Variants in DAAM1 observed in about 807,000 individuals in gnomAD.
DAAM1 encodes the protein dishevelled associated activator of morphogenesis 1.
In DAAM1, 52 loss-of-function variants were observed where a neutral mutation model predicts 130.0. That is an observed-to-expected ratio of 0.40 (90% CI 0.32 to 0.50). The LOEUF (loss-of-function observed/expected upper bound fraction) is 0.50. Among genes scored for constraint, DAAM1 ranks in the 20% least tolerant of loss-of-function variants. The pLI is 0.61. For synonymous variants in DAAM1, 452 were observed against 444.5 expected (o/e 1.02, Z -0.21); for missense variants, 1,134 against 1,303.8 (o/e 0.87, Z 2.01).
chr14:59,352,719 C>A, intron 18 of DAAM1, 87 bp downstream of exon 18: 1 of 1,164,060 alleles, frequency 8.6e-7, no homozygotes, highest in Non-Finnish European at 1.2e-6. Flanking sequence ...TTGTTTGGGC[C>A]AATTAACCTG....
chr14:59,240,271 A>G (rs549288089), intron 1 of DAAM1, among the ~76,000 whole-genome samples: 5 of 152,264 alleles, frequency 3.3e-5, no homozygotes, highest in Non-Finnish European at 5.9e-5. Context: ...TTGTAAAACT[A>G]TGATATCTTC....
intron 1 of DAAM1, among the ~76,000 whole-genome samples, chr14:59,241,396 G>A (rs1341700116): frequency 6.6e-6 from 1 of 152,188 alleles, no homozygotes; most frequent in Non-Finnish European, 1.5e-5. Context: ...TCCGAATTAA[G>A]TAGAGTGAAA....
intron 3 of DAAM1, among the ~76,000 whole-genome samples, chr14:59,293,955 G>A (rs149306054): frequency 2.4e-4 from 36 of 152,188 alleles, no homozygotes; most frequent in Non-Finnish European, 4.1e-4. Flanking sequence ...AACATCTCTC[G>A]CCTAGCCTTT....
intron 6 of DAAM1, among the ~76,000 whole-genome samples, 172 bp from the exon 7 acceptor site, chr14:59,323,956 C>T (rs947726538): frequency 2.6e-5 from 4 of 151,624 alleles, no homozygotes; most frequent in Non-Finnish European, 4.4e-5. Flanking sequence ...GGCGTGAACC[C>T]GGGAGGTGGA....
At chr14:59,258,844 C>T (rs1329519372) in intron 1 of DAAM1, among the ~76,000 whole-genome samples, 1 of 152,188 alleles carries the variant, frequency 6.6e-6, no homozygotes, top group Admixed American at 6.5e-5. Context: ...TTGGGTTTCA[C>T]TGAGGCTTCC....
intron 1 of DAAM1, among the ~76,000 whole-genome samples, chr14:59,191,393 C>T (rs1238188595): frequency 6.6e-6 from 1 of 151,920 alleles, no homozygotes; most frequent in Non-Finnish European, 1.5e-5. Flanking sequence ...TCTGTCCCCC[C>T]AGCATTTAGA....
intron 1 of DAAM1, among the ~76,000 whole-genome samples, chr14:59,240,402 A>G (rs1889439905): frequency 6.6e-6 from 1 of 152,176 alleles, no homozygotes; most frequent in South Asian, 2.1e-4. Context: ...TGGACCATGA[A>G]TCAGGGTTCT....
chr14:59,247,095 A>G (rs1009170182), intron 1 of DAAM1, among the ~76,000 whole-genome samples: 1 of 152,158 alleles, frequency 6.6e-6, no homozygotes, highest in Non-Finnish European at 1.5e-5. Context: ...GTCCAGCCTC[A>G]TTCTTTTGCA....
intron 1 of DAAM1, among the ~76,000 whole-genome samples, chr14:59,257,716 G>A (rs1566671064): frequency 6.6e-6 from 1 of 152,142 alleles, no homozygotes. Flanking sequence ...TCTGGACCCT[G>A]CCATCTTCAG....
At chr14:59,347,054 A>G (rs1420869342) in intron 16 of DAAM1, among the ~76,000 whole-genome samples, 1 of 152,128 alleles carries the variant, frequency 6.6e-6, no homozygotes, top group Non-Finnish European at 1.5e-5. Context: ...ACTATGAAGT[A>G]CTTGCAGATT....
chr14:59,325,937 G>T, intron 9 of DAAM1, 23 bp from the exon 10 acceptor site: 2 of 1,607,526 alleles, frequency 1.2e-6, no homozygotes, highest in African/African-American at 1.3e-5. Flanking sequence ...TGTTTGATTT[G>T]ATTTCTTTTT....
chr14:59,314,875 G>C (rs1317049993), intron 3 of DAAM1, among the ~76,000 whole-genome samples: 2 of 152,174 alleles, frequency 1.3e-5, no homozygotes, highest in East Asian at 3.8e-4. Context: ...AAAAAGTTTG[G>C]TTAATAACTG....
intron 1 of DAAM1, among the ~76,000 whole-genome samples, chr14:59,238,123 G>C (rs17095915): frequency 0.066 from 10,102 of 152,110 alleles, 440 homozygotes; most frequent in Non-Finnish European, 0.1. Flanking sequence ...GTAAATGAGA[G>C]AAAGTTCAAG....
Position 59,293,788 on chromosome 14 carries a change from C to T in DAAM1, c.273+2482C>T, listed in dbSNP as rs74687288. On this transcript the variant is annotated intron_variant, in intron 3 of 24. Transcript: ENST00000360909. Reference sequence around the variant, plus strand: ...GGTCACTGCAATAAATTGGGAAATACACAATGAATATGAGAACATGAAAAC... The same window carrying T: ...GGTCACTGCAATAAATTGGGAAATATACAATGAATATGAGAACATGAAAAC... 4.0e-3 allele frequency among the ~76,000 whole-genome samples: 612 copies of T among 152,316 alleles called. 3 individuals are homozygous for T. The highest frequency in any genetic ancestry group is 0.014 in the African/African-American group (584 of 41,568).
At chr14:59,367,359 C>T in intron 23 of DAAM1, 70 bp from the exon 24 acceptor site, 1 of 1,521,312 alleles carries the variant, frequency 6.6e-7, no homozygotes, top group South Asian at 1.3e-5. Context: ...TTTGGTCTTT[C>T]TCAAGTTATT....
chr14:59,297,461 G>C (rs1883997288), intron 3 of DAAM1, among the ~76,000 whole-genome samples: 1 of 152,156 alleles, frequency 6.6e-6, no homozygotes, highest in South Asian at 2.1e-4. Flanking sequence ...CTACACTATA[G>C]CCATAGTCAT....
At chr14:59,305,759 A>G (rs541714355) in intron 3 of DAAM1, among the ~76,000 whole-genome samples, 19 of 152,278 alleles carry the variant, frequency 1.2e-4, no homozygotes, top group African/African-American at 4.1e-4. Context: ...CCACAGGGTG[A>G]CTAGGTCTCT....
At chr14:59,311,279 G>T (rs1884580942) in intron 3 of DAAM1, among the ~76,000 whole-genome samples, 1 of 152,110 alleles carries the variant, frequency 6.6e-6, no homozygotes, top group Non-Finnish European at 1.5e-5. Context: ...TGACATTATG[G>T]TGAGTTTTAA....
At position 59,369,545 on chromosome 14, in the gene DAAM1, T is replaced by A. The variant is rs1887065541; in HGVS notation, c.*686T>A. 6.6e-6 allele frequency: 1 copy of A among 152,456 alleles called. No individual in the cohort carries two copies. Among genetic ancestry groups the A allele is most frequent in the Non-Finnish European group, 1.5e-5 (1 of 67,978 alleles). The allele number at this position is 152,456 out of a possible 1,614,324, so 9.4% of individuals were successfully genotyped here. On this transcript the variant is annotated 3_prime_UTR_variant, in exon 25 of 25. Coordinates refer to ENST00000360909, the MANE Select transcript of DAAM1 (RefSeq NM_001270520.2). ...GTTGGACATCAATTTTTTCCCCTGA[T>A]TTCATCAAGTTATCTCTGCCAAGTG...
Sources: allele counts gnomAD v4.1 joint callset (sites outside exome capture counted in the v4.1 genomes callset), GRCh38; gene constraint gnomAD v4.1.1; transcripts MANE v1.5; gene names NCBI Gene and HGNC (gene_info 2026-07-23, HGNC 2026-07-21).